Variants in TNS3 observed in about 807,000 individuals in gnomAD.
TNS3 encodes the protein tensin-3.
TNS3 carries 45 observed loss-of-function variants against 140.9 expected under a neutral mutation model. The observed-to-expected ratio is 0.32, with a 90% CI of 0.25 to 0.41. The LOEUF is 0.41. Among genes scored for constraint, TNS3 ranks in the 10% least tolerant of loss-of-function variants. The pLI, the probability that TNS3 is intolerant of heterozygous loss-of-function variation, is 1.00. For synonymous variants in TNS3, 815 were observed against 788.4 expected (o/e 1.03, Z -0.56); for missense variants, 1,716 against 1,906.7 (o/e 0.90, Z 1.86).
At chr7:47,519,947 C>T (rs1316234328) in intron 2 of TNS3, among the ~76,000 whole-genome samples, 2 of 150,064 alleles carry the variant, frequency 1.3e-5, no homozygotes, top group Admixed American at 6.7e-5. Flanking sequence ...CCTCAGTCTC[C>T]CGAGTAGCTG....
At chr7:47,497,738 T>G (rs552122899) in intron 3 of TNS3, among the ~76,000 whole-genome samples, 7 of 151,864 alleles carry the variant, frequency 4.6e-5, no homozygotes, top group Non-Finnish European at 1.0e-4. Flanking sequence ...CTTTTGTTTT[T>G]GTTTACACTG....
At chr7:47,287,244 A>G (rs1380204088) in intron 27 of TNS3, among the ~76,000 whole-genome samples, 1 of 152,244 alleles carries the variant, frequency 6.6e-6, no homozygotes, top group Non-Finnish European at 1.5e-5. Context: ...ACAAGAAACA[A>G]TTAAGAACCG....
At chr7:47,536,857 GAC>G (rs780312648) in intron 1 of TNS3, among the ~76,000 whole-genome samples, 26 of 152,204 alleles carry the variant, frequency 1.7e-4, no homozygotes, top group Non-Finnish European at 3.5e-4. Context: ...CACACACACT[GAC>G]ATACGCGCAC....
At chr7:47,437,053 CAGG>C (rs960024457) in intron 7 of TNS3, among the ~76,000 whole-genome samples, 2 of 152,028 alleles carry the variant, frequency 1.3e-5, no homozygotes, top group African/African-American at 4.8e-5. Context: ...GTGAGAAGTA[CAGG>C]AGATCTCTGT....
At position 47,295,520 on chromosome 7, in the gene TNS3, A is replaced by T. The variant is rs999149083; in HGVS notation, c.3676+1562T>A. On this transcript the variant is annotated intron_variant, in intron 24 of 30. Transcript: ENST00000311160. ...ACAAAAGCCCTTATCTCCACTCAGAAATAGCATCGTGTTGGGCTTCTTATG... is the reference window on the plus strand; with the variant it reads ...ACAAAAGCCCTTATCTCCACTCAGATATAGCATCGTGTTGGGCTTCTTATG... 5.3e-5 allele frequency among the ~76,000 whole-genome samples: 8 copies of T among 152,162 alleles called. 1 individual carries two copies. Among genetic ancestry groups the T allele is most frequent in the Non-Finnish European group, 1.2e-4 (8 of 68,026 alleles).
chr7:47,582,564 A>C, upstream of TNS3: 1 of 445,796 alleles, frequency 2.2e-6, no homozygotes. Context: ...TCGCGCATAC[A>C]TAAAGGAGCA....
intron 28 of TNS3, among the ~76,000 whole-genome samples, chr7:47,281,543 C>A (rs971169804): frequency 2.6e-5 from 4 of 152,210 alleles, no homozygotes; most frequent in Admixed American, 2.0e-4. Flanking sequence ...GGTGACCCTG[C>A]AGCCACCTGC....
intron 20 of TNS3, among the ~76,000 whole-genome samples, chr7:47,341,280 CT>C (rs1167733990): frequency 1.3e-5 from 2 of 152,170 alleles, no homozygotes; most frequent in African/African-American, 4.8e-5. Context: ...ATGATCCCCC[CT>C]CTTCTGTTTT....
intron 4 of TNS3, among the ~76,000 whole-genome samples, chr7:47,456,880 T>C (rs561457681): frequency 2.0e-5 from 3 of 151,938 alleles, no homozygotes; most frequent in Admixed American, 1.3e-4. Flanking sequence ...TCTTCCTCCT[T>C]GAGTGTTTCT....
At chr7:47,492,350 C>G (rs374738278) in intron 3 of TNS3, among the ~76,000 whole-genome samples, 141 of 152,358 alleles carry the variant, frequency 9.3e-4, no homozygotes, top group African/African-American at 3.2e-3. Context: ...GGCAGGCTGC[C>G]CTGCCTGCCG....
At chr7:47,486,227 G>A (rs951000926) in intron 3 of TNS3, among the ~76,000 whole-genome samples, 1 of 152,104 alleles carries the variant, frequency 6.6e-6, no homozygotes, top group African/African-American at 2.4e-5. Context: ...GTGCATGGGA[G>A]TGTAAAAGTG....
At chr7:47,285,850 C>T (rs980177531) in intron 27 of TNS3, among the ~76,000 whole-genome samples, 9 of 152,148 alleles carry the variant, frequency 5.9e-5, no homozygotes, top group Admixed American at 2.6e-4. Flanking sequence ...TTAGCTCCCT[C>T]GGTGTAATAC....
At chr7:47,342,700 A>G (rs1480852487) in intron 20 of TNS3, among the ~76,000 whole-genome samples, 1 of 152,202 alleles carries the variant, frequency 6.6e-6, no homozygotes, top group Non-Finnish European at 1.5e-5. Flanking sequence ...CTTCGTGTCA[A>G]TTTCCTTGCC....
rs1019746367 is a variant in TNS3, at chr7:47,298,601, C to G, written c.3545-1388G>C. On this transcript the variant is annotated intron_variant, in intron 23 of 30. Coordinates refer to ENST00000311160, the MANE Select transcript of TNS3 (RefSeq NM_022748.12). ...CATAATTACAGCCATGGAAATGCTG[C>G]CTTTCTGGAATGCCAAAGGCTCTGC... Among the ~76,000 whole-genome samples the G allele has an allele frequency of 2.0e-5, 3 of 152,196 alleles. No homozygotes were observed. The East Asian group carries it at 5.8e-4, about 29-fold the overall frequency.
At chr7:47,485,616 G>C (rs2151806401) in intron 3 of TNS3, among the ~76,000 whole-genome samples, 1 of 152,360 alleles carries the variant, frequency 6.6e-6, no homozygotes, top group East Asian at 1.9e-4. Context: ...CATGGGCTGT[G>C]GGCCAAAAGC....
intron 7 of TNS3, among the ~76,000 whole-genome samples, chr7:47,436,372 C>G (rs1384996414): frequency 2.0e-5 from 3 of 152,124 alleles, no homozygotes; most frequent in Non-Finnish European, 4.4e-5. Flanking sequence ...ATATGTACCA[C>G]AACTTATGTT....
At chr7:47,284,228 G>A (rs745780442) in intron 27 of TNS3, among the ~76,000 whole-genome samples, 3 of 152,136 alleles carry the variant, frequency 2.0e-5, no homozygotes, top group Non-Finnish European at 4.4e-5. Context: ...CTGGTCTCAG[G>A]GTGGGTATGG....
intron 1 of TNS3, among the ~76,000 whole-genome samples, chr7:47,549,587 GC>G (rs1800008201): frequency 6.6e-6 from 1 of 152,122 alleles, no homozygotes; most frequent in Non-Finnish European, 1.5e-5. Context: ...GCCAGGTGCT[GC>G]CTCAGGACAT....
chr7:47,315,907 A>G (rs1402731267), intron 20 of TNS3, among the ~76,000 whole-genome samples: 1 of 152,232 alleles, frequency 6.6e-6, no homozygotes, highest in Non-Finnish European at 1.5e-5. Flanking sequence ...TGAATGTTTT[A>G]TATCACCTTT....
Sources: allele counts gnomAD v4.1 joint callset (sites outside exome capture counted in the v4.1 genomes callset), GRCh38; gene constraint gnomAD v4.1.1; transcripts MANE v1.5; gene names NCBI Gene and HGNC (gene_info 2026-07-23, HGNC 2026-07-21).